SYTL3: variants seen among roughly 807,000 people sequenced by gnomAD.
SYTL3 encodes the protein synaptotagmin-like protein 3.
A neutral mutation model predicts 82.1 loss-of-function variants in SYTL3; 88 were observed. The observed-to-expected ratio is 1.07, with a 90% CI of 0.90 to 1.28. SYTL3 has a LOEUF of 1.28. Among genes scored for constraint, SYTL3 ranks in the 50% most tolerant of loss-of-function variants. SYTL3 has a pLI of 0.00. For missense variants in SYTL3, 831 were observed against 757.6 expected, an observed-to-expected ratio of 1.10 and a Z score of -1.14; for synonymous variants, 311 against 289.4, an observed-to-expected ratio of 1.07 and a Z score of -0.76.
At chr6:158,685,214 CTCTT>C (rs1210629091) in intron 6 of SYTL3, among the ~76,000 whole-genome samples, 1 of 144,660 alleles carries the variant, frequency 6.9e-6, no homozygotes, top group Non-Finnish European at 1.5e-5. Context: ...CTCTCTCTCT[CTCTT>C]TTTTTTTTTT....
At chr6:158,732,662 T>C (rs545394990) in intron 11 of SYTL3, among the ~76,000 whole-genome samples, 80 of 152,294 alleles carry the variant, frequency 5.3e-4, no homozygotes, top group Non-Finnish European at 6.9e-4. Flanking sequence ...ACCTCGTGTC[T>C]CCAATGACGA....
In SYTL3 at chr6:158,707,283, T is replaced by C; in HGVS notation, c.446+2T>C. The C allele has an allele frequency of 1.9e-6, 3 of 1,613,732 alleles. No homozygotes were observed. The highest frequency in any genetic ancestry group is 2.5e-6 in the Non-Finnish European group (3 of 1,180,024). ...CTTGCAATCTTATCAGAAGCTGAGGTGAGTGTTACAAAGGACAGACCGTCC... is the reference window on the plus strand; with the variant it reads ...CTTGCAATCTTATCAGAAGCTGAGGCGAGTGTTACAAAGGACAGACCGTCC... On this transcript the variant is annotated splice_donor_variant, in intron 7 of 17. Coordinates refer to ENST00000611299, the MANE Select transcript of SYTL3 (RefSeq NM_001242394.2). LOFTEE classifies it high-confidence loss of function.
At chr6:158,714,374 A>AG (rs1466437100) in intron 9 of SYTL3, among the ~76,000 whole-genome samples, 1 of 152,142 alleles carries the variant, frequency 6.6e-6, no homozygotes, top group Non-Finnish European at 1.5e-5. Flanking sequence ...GAAAAAAAAA[A>AG]AAAGATGCAA....
upstream of SYTL3, among the ~76,000 whole-genome samples, chr6:158,649,838 A>G (rs1787774484): frequency 6.6e-6 from 1 of 152,160 alleles, no homozygotes; most frequent in Admixed American, 6.5e-5. Flanking sequence ...CTCCAGCTAA[A>G]AATGTAAAAT....
chr6:158,760,665 C>T lies in SYTL3; in HGVS notation c.1334C>T (p.Pro445Leu). The T allele has an allele frequency of 6.2e-7, 1 of 1,614,092 alleles. No individual in the cohort carries two copies. The highest frequency in any genetic ancestry group is 8.5e-7 in the Non-Finnish European group (1 of 1,179,974). Residue 445 changes from proline to leucine, a missense_variant, in exon 15 of 18, where the codon CCT (proline) becomes CTT (leucine). By Grantham distance (98) the Pro-to-Leu change is moderately conservative. Transcript: ENST00000611299. ...AKAEKYEDSV[P>L]QSNGELTVRA... Reference sequence around the variant, plus strand: ...GCGGAGAAATACGAAGACAGCGTTCCTCAGAGTAATGGAGAGCTCACAGTC... The same window carrying T: ...GCGGAGAAATACGAAGACAGCGTTCTTCAGAGTAATGGAGAGCTCACAGTC...
intron 11 of SYTL3, 199 bp downstream of exon 11, chr6:158,725,836 T>C: frequency 8.0e-6 from 6 of 752,946 alleles, no homozygotes; most frequent in Non-Finnish European, 9.2e-6. Context: ...CTCAGGCCTG[T>C]GTCTTGGAGT....
chr6:158,683,144 C>T (rs1778905471), intron 6 of SYTL3, among the ~76,000 whole-genome samples, 155 bp downstream of exon 6: 1 of 151,508 alleles, frequency 6.6e-6, no homozygotes, highest in Non-Finnish European at 1.5e-5. Context: ...CACTGTAATT[C>T]ACGCTGCTCA....
chr6:158,757,046 C>T (rs1387090992), intron 13 of SYTL3, among the ~76,000 whole-genome samples, 165 bp from the exon 14 acceptor site: 1 of 146,378 alleles, frequency 6.8e-6, no homozygotes, highest in Non-Finnish European at 1.5e-5. Flanking sequence ...CCACCCTAAC[C>T]ACATCAGGTC....
chr6:158,752,180 G>C, intron 13 of SYTL3, 150 bp downstream of exon 13: 2 of 474,852 alleles, frequency 4.2e-6, no homozygotes, highest in South Asian at 5.3e-5. Context: ...CTGTCAATCA[G>C]TGTTAAGTTG....
At chr6:158,657,936 A>T (rs1788896875) in intron 2 of SYTL3, among the ~76,000 whole-genome samples, 1 of 150,918 alleles carries the variant, frequency 6.6e-6, no homozygotes, top group Admixed American at 6.6e-5. Flanking sequence ...TCTGTCGCCC[A>T]GGCTGGAGTG....
At chr6:158,702,442 T>C (rs1781424788) in intron 6 of SYTL3, among the ~76,000 whole-genome samples, 1 of 150,744 alleles carries the variant, frequency 6.6e-6, no homozygotes, top group South Asian at 2.1e-4. Context: ...TGGAGGAGGC[T>C]GATGTGGGAG....
chr6:158,655,722 C>T (rs1788593713), intron 2 of SYTL3, among the ~76,000 whole-genome samples: 1 of 152,204 alleles, frequency 6.6e-6, no homozygotes, highest in African/African-American at 2.4e-5. Flanking sequence ...CACGTTTCGT[C>T]ATCATAGCAC....
chr6:158,681,601 C>A (rs1238776660), intron 5 of SYTL3, among the ~76,000 whole-genome samples: 1 of 152,098 alleles, frequency 6.6e-6, no homozygotes, highest in Admixed American at 6.6e-5. Context: ...TTGCTTGAAC[C>A]CACGAGGGGG....
intron 10 of SYTL3, among the ~76,000 whole-genome samples, chr6:158,722,620 G>T (rs886988321): frequency 2.0e-5 from 3 of 151,972 alleles, no homozygotes; most frequent in Admixed American, 6.6e-5. Context: ...TATATGTTAT[G>T]AATGTACAGT....
At chr6:158,762,857 C>G (rs1234808299) in intron 16 of SYTL3, among the ~76,000 whole-genome samples, 1 of 152,136 alleles carries the variant, frequency 6.6e-6, no homozygotes, top group Admixed American at 6.6e-5. Flanking sequence ...GAGGAGGTTG[C>G]AGTGAGCTGA....
intron 5 of SYTL3, among the ~76,000 whole-genome samples, chr6:158,676,631 A>G (rs1433556661): frequency 2.6e-5 from 4 of 152,128 alleles, no homozygotes; most frequent in African/African-American, 9.7e-5. Context: ...CTACAGAATG[A>G]GAGAAAATTT....
chr6:158,704,509 T>C (rs1372730149), intron 6 of SYTL3, among the ~76,000 whole-genome samples: 1 of 152,032 alleles, frequency 6.6e-6, no homozygotes, highest in African/African-American at 2.4e-5. Flanking sequence ...GAACTGCCCG[T>C]GGGGGATAGC....
intron 7 of SYTL3, 115 bp from the exon 8 acceptor site, chr6:158,708,207 T>TA (rs1361984191): frequency 1.2e-4 from 122 of 982,358 alleles, no homozygotes; most frequent in Non-Finnish European, 1.6e-4. Context: ...TGAGGCAGTT[T>TA]AAAAAAAAGG....
intron 2 of SYTL3, among the ~76,000 whole-genome samples, chr6:158,653,295 T>C (rs1347106392): frequency 2.0e-5 from 3 of 151,604 alleles, no homozygotes. Context: ...TCACCTGAGG[T>C]TGGGAGTTTG....
Sources: gnomAD v4.1 joint callset for allele counts (sites outside exome capture counted in the v4.1 genomes callset) on GRCh38, gnomAD v4.1.1 for gene constraint, MANE v1.5 for transcripts, NCBI Gene and HGNC (gene_info 2026-07-23, HGNC 2026-07-21) for gene names.